SUFU: variants seen among roughly 807,000 people sequenced by gnomAD.
The protein encoded by SUFU is suppressor of fused homolog.
A neutral mutation model predicts 58.9 loss-of-function variants in SUFU; 7 were observed. The observed-to-expected ratio is 0.12, with a 90% CI of 0.07 to 0.22. SUFU has a LOEUF of 0.22. Ranked by LOEUF, SUFU falls within the 10% of genes least tolerant of loss-of-function variation. The pLI is 1.00. For missense variants in SUFU, 451 were observed against 641.3 expected, an observed-to-expected ratio of 0.70 and a Z score of 3.20; for synonymous variants, 232 against 254.8, an observed-to-expected ratio of 0.91 and a Z score of 0.85.
chr10:102,593,791 A>G, intron 5 of SUFU, 70 bp downstream of exon 5: 1 of 1,508,412 alleles, frequency 6.6e-7, no homozygotes, highest in Non-Finnish European at 9.2e-7. Flanking sequence ...ACTACCCTCC[A>G]TGTGGGGCTC....
intron 1 of SUFU, 115 bp downstream of exon 1, chr10:102,504,449 A>G (rs568463403): frequency 5.9e-6 from 9 of 1,526,968 alleles, no homozygotes; most frequent in Non-Finnish European, 7.1e-6. Context: ...TAAAGCACTC[A>G]GAAGGAGGGC....
At chr10:102,606,654 C>G (rs2063564959) in intron 8 of SUFU, among the ~76,000 whole-genome samples, 1 of 152,126 alleles carries the variant, frequency 6.6e-6, no homozygotes, top group African/African-American at 2.4e-5. Context: ...TAACTGGAAA[C>G]AGGGTCTTTG....
chr10:102,529,714 A>C (rs2062654456), intron 2 of SUFU, among the ~76,000 whole-genome samples: 1 of 152,008 alleles, frequency 6.6e-6, no homozygotes, highest in Admixed American at 6.6e-5. Flanking sequence ...CGGGAGGCCA[A>C]GGCGGGCAGA....
At chr10:102,591,858 A>G (rs1337980240) in intron 3 of SUFU, among the ~76,000 whole-genome samples, 1 of 152,134 alleles carries the variant, frequency 6.6e-6, no homozygotes, top group Non-Finnish European at 1.5e-5. Context: ...CTCTAAAGTA[A>G]CGTACCTGCT....
chr10:102,520,576 A>G (rs1436808983), intron 2 of SUFU, among the ~76,000 whole-genome samples: 2 of 152,052 alleles, frequency 1.3e-5, no homozygotes, highest in Non-Finnish European at 2.9e-5. Context: ...CACCATACAA[A>G]CTAGTTTCAC....
chr10:102,510,885 T>C (rs924283245), intron 2 of SUFU, among the ~76,000 whole-genome samples: 86 of 149,682 alleles, frequency 5.7e-4, no homozygotes, highest in African/African-American at 1.9e-3. Flanking sequence ...CTTTGGGAGG[T>C]CGAGGCAGGC....
chr10:102,509,009 TC>T (rs1232901927), intron 1 of SUFU, among the ~76,000 whole-genome samples, 159 bp from the exon 2 acceptor site: 2 of 152,210 alleles, frequency 1.3e-5, no homozygotes, highest in Admixed American at 1.3e-4. Flanking sequence ...TAGCTGTCCA[TC>T]CCTTAGTCTC....
At chr10:102,532,339 G>A (rs1346379247) in intron 2 of SUFU, among the ~76,000 whole-genome samples, 1 of 152,180 alleles carries the variant, frequency 6.6e-6, no homozygotes, top group Non-Finnish European at 1.5e-5. Flanking sequence ...CAGCCCTCTA[G>A]GGCAGGGAGC....
chr10:102,550,198 G>A, intron 3 of SUFU, 92 bp downstream of exon 3: 1 of 1,572,818 alleles, frequency 6.4e-7, no homozygotes, highest in Non-Finnish European at 8.6e-7. Flanking sequence ...TGTTTGTGGA[G>A]TGGCCTTTCC....
intron 2 of SUFU, among the ~76,000 whole-genome samples, chr10:102,521,537 G>T (rs894881284): frequency 1.3e-5 from 2 of 152,186 alleles, no homozygotes; most frequent in African/African-American, 4.8e-5. Flanking sequence ...CAATGATGGT[G>T]TCTTCCATAA....
rs1326669958 is a variant in SUFU, at chr10:102,599,283, C to A, written c.911-150C>A. 5 of 721,360 alleles carry A rather than the reference C, an allele frequency of 6.9e-6. No homozygotes were observed. In the South Asian group the frequency reaches 7.2e-5, roughly 10 times the overall value. 44.7% of individuals were successfully genotyped at this position (721,360 alleles called of 1,614,324 possible). A position where few individuals can be genotyped will look rare whatever the true frequency, so the allele number is the denominator to read the frequency against. ...TGTCCCCTCGCAATCTGTACTCACTCAGCGCTTACATCTGGATGCGTAGAG... is the reference window on the plus strand; with the variant it reads ...TGTCCCCTCGCAATCTGTACTCACTAAGCGCTTACATCTGGATGCGTAGAG... On this transcript the variant is annotated intron_variant, in intron 7 of 11. Transcript: ENST00000369902.
At chr10:102,564,482 A>G (rs548931273) in intron 3 of SUFU, among the ~76,000 whole-genome samples, 192 of 152,146 alleles carry the variant, frequency 1.3e-3, no homozygotes, top group African/African-American at 4.6e-3. Context: ...ACAGGCGTGC[A>G]CCACCACACC....
chr10:102,544,348 T>C (rs2062832862), intron 2 of SUFU, among the ~76,000 whole-genome samples: 1 of 152,180 alleles, frequency 6.6e-6, no homozygotes, highest in South Asian at 2.1e-4. Context: ...TGTAATTCAT[T>C]GGTTTTTAAG....
chr10:102,595,953 C>T (rs1344069041), intron 6 of SUFU, among the ~76,000 whole-genome samples: 1 of 152,112 alleles, frequency 6.6e-6, no homozygotes, highest in Non-Finnish European at 1.5e-5. Context: ...AGTGAGGGAC[C>T]CCAGGGCAGC....
At chr10:102,610,161 G>C (rs1191907295) in intron 8 of SUFU, among the ~76,000 whole-genome samples, 4 of 152,052 alleles carry the variant, frequency 2.6e-5, no homozygotes, top group African/African-American at 9.7e-5. Flanking sequence ...CAGATCACTT[G>C]AGGTCAGGAT....
At chr10:102,508,046 A>C (rs973066168) in intron 1 of SUFU, among the ~76,000 whole-genome samples, 3 of 148,074 alleles carry the variant, frequency 2.0e-5, no homozygotes, top group Admixed American at 1.4e-4. Context: ...GCTCCCTGCA[A>C]CCTCTGCCTC....
At position 102,619,433 on chromosome 10, in the gene SUFU, C is replaced by T. The variant is rs1227840940; in HGVS notation, c.1296+2005C>T. Reference sequence around the variant, plus strand: ...ACGAGCTGCTGGCCTCGGCATGTTTCAATAAAGTTGCTGTGCTGGGAGCTA... The same window carrying T: ...ACGAGCTGCTGGCCTCGGCATGTTTTAATAAAGTTGCTGTGCTGGGAGCTA... On this transcript the variant is annotated intron_variant, in intron 10 of 11. Transcript: ENST00000369902. This position sits in a 1 kb window ranked among gnomAD's most constrained non-coding sequence, Gnocchi z 4.2. The T allele has an allele frequency of 7.5e-7, 1 of 1,326,952 alleles. No homozygotes were observed. Among genetic ancestry groups the T allele is most frequent in the Non-Finnish European group, 9.7e-7 (1 of 1,032,458 alleles). The allele number at this position is 1,326,952 out of a possible 1,614,324, so 82.2% of individuals were successfully genotyped here.
At chr10:102,547,759 C>T (rs940734450) in intron 2 of SUFU, among the ~76,000 whole-genome samples, 1 of 151,696 alleles carries the variant, frequency 6.6e-6, no homozygotes, top group African/African-American at 2.4e-5. Context: ...GAGGTCAAGG[C>T]TACAGTGAGC....
At chr10:102,506,046 A>G (rs1295114996) in intron 1 of SUFU, among the ~76,000 whole-genome samples, 1 of 144,320 alleles carries the variant, frequency 6.9e-6, no homozygotes, top group East Asian at 2.0e-4. Context: ...TTTGAAAAAA[A>G]AAAAAAAAAA....
Sources: allele counts gnomAD v4.1 joint callset (sites outside exome capture counted in the v4.1 genomes callset), GRCh38; gene constraint gnomAD v4.1.1; non-coding constraint Gnocchi (gnomAD v3.1); transcripts MANE v1.5; gene names NCBI Gene and HGNC (gene_info 2026-07-23, HGNC 2026-07-21).